PDS5B: variants seen among roughly 807,000 people sequenced by gnomAD.
PDS5B encodes the protein sister chromatid cohesion protein PDS5 homolog B.
PDS5B carries 51 observed loss-of-function variants against 184.1 expected under a neutral mutation model. The ratio of observed to expected loss-of-function variants is 0.28; its 90% CI spans 0.22 to 0.35. The LOEUF is 0.35. Ranked by LOEUF, PDS5B falls within the 10% of genes least tolerant of loss-of-function variation. The pLI is 1.00. For synonymous variants in PDS5B, 566 were observed against 569.2 expected (o/e 0.99, Z 0.08); for missense variants, 1,180 against 1,723.3 (o/e 0.68, Z 5.58).
chr13:32,616,310 C>T (rs1222546078), intron 1 of PDS5B, among the ~76,000 whole-genome samples: 1 of 152,164 alleles, frequency 6.6e-6, no homozygotes, highest in East Asian at 1.9e-4. Context: ...CCGCCTTGGC[C>T]TCCCAAAATG....
chr13:32,678,923 T>A lies in PDS5B; in HGVS notation c.1051T>A (p.Leu351Ile). 2 of 1,536,332 alleles carry A rather than the reference T, an allele frequency of 1.3e-6. No individual in the cohort carries two copies. The highest frequency in any genetic ancestry group is 1.8e-6 in the Non-Finnish European group (2 of 1,109,144). ...LMNHPDLAKD[L>I]TEYLKVRSHD... ...GAACCATCCTGATTTAGCAAAAGAC[T>A]TAACAGGTACTATATATATGTAACA... The change falls in exon 10 of 35, where the codon TTA becomes ATA. Residue 351 changes from leucine (L) to isoleucine (I), a missense_variant. Around this residue, in one of 11 missense-constraint regions of PDS5B, gnomAD observed 475 missense variants for 691.5 expected, o/e 0.69. Coordinates refer to ENST00000315596, the MANE Select transcript of PDS5B (RefSeq NM_015032.4).
intron 1 of PDS5B, among the ~76,000 whole-genome samples, chr13:32,603,528 G>T (rs556517502): frequency 1.0e-3 from 155 of 152,316 alleles, no homozygotes; most frequent in African/African-American, 3.7e-3. Context: ...GTCAGGTAGT[G>T]TGATGCCTCC....
intron 1 of PDS5B, among the ~76,000 whole-genome samples, chr13:32,625,941 C>A (rs755265608): frequency 6.6e-6 from 1 of 151,216 alleles, no homozygotes; most frequent in Non-Finnish European, 1.5e-5. Context: ...TGGATTCAAG[C>A]GATTCTTGTG....
intron 1 of PDS5B, among the ~76,000 whole-genome samples, chr13:32,596,522 A>C (rs1369058206): frequency 2.6e-5 from 4 of 152,192 alleles, no homozygotes; most frequent in African/African-American, 9.7e-5. Flanking sequence ...AATACCTAGG[A>C]ATGGAATTGC....
intron 1 of PDS5B, among the ~76,000 whole-genome samples, chr13:32,621,442 G>A (rs1311904331): frequency 6.6e-6 from 1 of 152,166 alleles, no homozygotes; most frequent in Non-Finnish European, 1.5e-5. Context: ...GCTCCAGCCT[G>A]GGTGACAGAG....
intron 19 of PDS5B, among the ~76,000 whole-genome samples, chr13:32,724,640 G>A (rs1291975204): frequency 1.3e-5 from 2 of 152,002 alleles, no homozygotes; most frequent in East Asian, 1.9e-4. Flanking sequence ...AGAGTGCAGT[G>A]GTGCGATCAC....
chr13:32,703,527 G>C (rs905608352), intron 17 of PDS5B, among the ~76,000 whole-genome samples: 2 of 152,134 alleles, frequency 1.3e-5, no homozygotes, highest in Non-Finnish European at 2.9e-5. Context: ...CTTTCTCCAA[G>C]GATAGGAACT....
At chr13:32,651,447 G>A (rs1950364395) in intron 2 of PDS5B, among the ~76,000 whole-genome samples, 1 of 152,120 alleles carries the variant, frequency 6.6e-6, no homozygotes, top group Non-Finnish European at 1.5e-5. Context: ...TTTTAAAAAA[G>A]ATGGTATTCT....
chr13:32,725,153 T>C (rs777856078), intron 19 of PDS5B, among the ~76,000 whole-genome samples: 2 of 152,206 alleles, frequency 1.3e-5, no homozygotes, highest in Non-Finnish European at 2.9e-5. Flanking sequence ...CCCAGTGTTA[T>C]ATTTGTTTAG....
chr13:32,636,097 A>G (rs1330170578), intron 1 of PDS5B, among the ~76,000 whole-genome samples: 1 of 152,184 alleles, frequency 6.6e-6, no homozygotes, highest in Admixed American at 6.5e-5. Flanking sequence ...TTTCCAATTC[A>G]GCATTCCCTA....
chr13:32,685,836 C>T (rs573460494), intron 11 of PDS5B, among the ~76,000 whole-genome samples: 14 of 152,098 alleles, frequency 9.2e-5, no homozygotes, highest in African/African-American at 3.4e-4. Context: ...GACAGGGTCT[C>T]ACTATGTTGC....
chr13:32,648,300 T>A (rs1950278626), intron 1 of PDS5B, among the ~76,000 whole-genome samples: 1 of 152,164 alleles, frequency 6.6e-6, no homozygotes, highest in African/African-American at 2.4e-5. Flanking sequence ...CTGTTCCCCT[T>A]GCCCTATAAG....
At chr13:32,602,318 A>G (rs888347735) in intron 1 of PDS5B, among the ~76,000 whole-genome samples, 37 of 152,122 alleles carry the variant, frequency 2.4e-4, no homozygotes, top group African/African-American at 7.0e-4. Flanking sequence ...TCATTGTTCA[A>G]TTCCCACCTA....
intron 18 of PDS5B, among the ~76,000 whole-genome samples, chr13:32,708,992 CT>C (rs1952116579): frequency 6.6e-6 from 1 of 151,948 alleles, no homozygotes; most frequent in African/African-American, 2.4e-5. Context: ...TTTTTCTTGC[CT>C]GCTTACATCC....
rs546641613 is a variant in PDS5B, at chr13:32,777,351, C to CTTTTTTTTTTTTTTT, written c.*2300_*2314dup. The CTTTTTTTTTTTTTTT allele has an allele frequency of 4.6e-5, 6 of 129,568 alleles. No homozygotes were observed. Among genetic ancestry groups the CTTTTTTTTTTTTTTT allele is most frequent in the African/African-American group, 5.7e-5 (2 of 35,250 alleles). 8.0% of individuals were successfully genotyped at this position (129,568 alleles called of 1,614,324 possible). ...ATGTAAATTTTTCTTTTCTTTCTTT[C>CTTTTTTTTTTTTTTT]TTTTTTTTTTTTTTTGTGTAGAAAA... On this transcript the variant is annotated 3_prime_UTR_variant, in exon 35 of 35. Coordinates refer to ENST00000315596, the MANE Select transcript of PDS5B (RefSeq NM_015032.4).
intron 21 of PDS5B, among the ~76,000 whole-genome samples, chr13:32,736,589 T>G (rs1953337083): frequency 6.6e-6 from 1 of 152,146 alleles, no homozygotes; most frequent in Admixed American, 6.5e-5. Context: ...CTGGGTATGC[T>G]TTCCTTTATA....
At chr13:32,652,144 T>TG (rs1555295716) in intron 3 of PDS5B, 137 bp downstream of exon 3, 1 of 605,598 alleles carries the variant, frequency 1.7e-6, no homozygotes, top group Admixed American at 3.3e-5. Flanking sequence ...CTAAACTTAA[T>TG]GTTTTTTTTT....
intron 19 of PDS5B, among the ~76,000 whole-genome samples, chr13:32,716,621 G>T (rs1370132969): frequency 6.7e-6 from 1 of 149,158 alleles, no homozygotes; most frequent in African/African-American, 2.5e-5. Context: ...GAGGTGGGGG[G>T]GTCAGCCCCC....
intron 1 of PDS5B, among the ~76,000 whole-genome samples, chr13:32,630,263 T>C (rs746666377): frequency 9.2e-5 from 14 of 152,224 alleles, no homozygotes; most frequent in Admixed American, 2.0e-4. Context: ...ATTTATGGGT[T>C]TCCTATGTGG....
Sources: allele counts gnomAD v4.1 joint callset (sites outside exome capture counted in the v4.1 genomes callset), GRCh38; gene constraint gnomAD v4.1.1; regional missense constraint gnomAD v4.1.1; transcripts MANE v1.5; gene names NCBI Gene and HGNC (gene_info 2026-07-23, HGNC 2026-07-21).